VPS13B: variants seen among roughly 807,000 people sequenced by gnomAD.
VPS13B encodes vacuolar protein sorting 13 homolog B, also known as intermembrane lipid transfer protein VPS13B.
Under a neutral mutation model 426.4 loss-of-function variants are expected in VPS13B, and 285 were observed. The observed-to-expected ratio is 0.67, with a 90% CI of 0.61 to 0.74. The LOEUF (loss-of-function observed/expected upper bound fraction) is 0.74. Among genes scored for constraint, VPS13B ranks in the 30% least tolerant of loss-of-function variants. VPS13B has a pLI of 0.00. For missense variants in VPS13B, 4,537 were observed against 4,782.6 expected (o/e 0.95, Z 1.51); for synonymous variants, 1,676 against 1,676.4 (o/e 1.00, Z 0.01).
At chr8:99,490,169 T>C (rs1229947455) in intron 25 of VPS13B, among the ~76,000 whole-genome samples, 1 of 152,240 alleles carries the variant, frequency 6.6e-6, no homozygotes, top group Non-Finnish European at 1.5e-5. Flanking sequence ...CATGTGGTTT[T>C]TGTCGTTGGT....
intron 39 of VPS13B, among the ~76,000 whole-genome samples, chr8:99,753,085 G>T (rs1312527574): frequency 1.3e-5 from 2 of 152,028 alleles, no homozygotes; most frequent in Non-Finnish European, 2.9e-5. Flanking sequence ...CTGTAAAATG[G>T]ATATACTCTT....
intron 17 of VPS13B, among the ~76,000 whole-genome samples, chr8:99,248,054 T>C (rs1417326727): frequency 6.6e-6 from 1 of 152,202 alleles, no homozygotes; most frequent in African/African-American, 2.4e-5. Flanking sequence ...TAAAGTAATA[T>C]AAAACTGCTG....
chr8:99,254,148 G>A (rs2132930627), intron 17 of VPS13B, among the ~76,000 whole-genome samples: 1 of 152,142 alleles, frequency 6.6e-6, no homozygotes, highest in East Asian at 1.9e-4. Context: ...CTTCTCTCCT[G>A]ATATCCCAAA....
chr8:99,835,143 A>G lies in VPS13B; in HGVS notation c.9615-54A>G, dbSNP rs80011373. 3.8e-4 allele frequency: 612 copies of G among 1,611,232 alleles called. 4 individuals carry two copies. In the East Asian group the frequency reaches 0.011, roughly 28 times the overall value. On this transcript the variant is annotated intron_variant, in intron 52 of 61. Transcript: ENST00000357162. ...TAAATAAACATGTTCCAGAGGAGAG[A>G]GCATTCATTTTTTTTCCTAAACATT...
intron 39 of VPS13B, among the ~76,000 whole-genome samples, chr8:99,744,808 C>CG (rs1172569418): frequency 2.3e-5 from 3 of 128,962 alleles, no homozygotes; most frequent in Non-Finnish European, 4.8e-5. Context: ...CATCACACAC[C>CG]GGGGCCTGTT....
At chr8:99,160,190 A>G (rs1171763781) in intron 15 of VPS13B, among the ~76,000 whole-genome samples, 3 of 152,106 alleles carry the variant, frequency 2.0e-5, no homozygotes, top group Non-Finnish European at 4.4e-5. Context: ...AGCTCTTTCA[A>G]TTTTTAAAAA....
intron 40 of VPS13B, among the ~76,000 whole-genome samples, chr8:99,769,037 A>G (rs991872746): frequency 6.6e-6 from 1 of 152,206 alleles, no homozygotes; most frequent in Non-Finnish European, 1.5e-5. Context: ...ACATTTATAA[A>G]AATTACTTTT....
intron 14 of VPS13B, among the ~76,000 whole-genome samples, chr8:99,150,720 T>G (rs1811028997): frequency 6.6e-6 from 1 of 152,340 alleles, no homozygotes; most frequent in Admixed American, 6.5e-5. Flanking sequence ...TGATAGCTGA[T>G]TTCTTCTTTG....
At chr8:99,300,706 A>T (rs372940245) in intron 19 of VPS13B, among the ~76,000 whole-genome samples, 1 of 151,914 alleles carries the variant, frequency 6.6e-6, no homozygotes, top group Non-Finnish European at 1.5e-5. Flanking sequence ...TTCAAGAGAG[A>T]TTGTCTGCAT....
intron 17 of VPS13B, among the ~76,000 whole-genome samples, chr8:99,225,148 C>A (rs1316320184): frequency 2.0e-5 from 3 of 152,202 alleles, no homozygotes; most frequent in African/African-American, 7.2e-5. Flanking sequence ...AGCTACAACC[C>A]ATACACTGAC....
intron 17 of VPS13B, among the ~76,000 whole-genome samples, chr8:99,215,411 T>C (rs1036965078): frequency 6.6e-6 from 1 of 152,232 alleles, no homozygotes; most frequent in African/African-American, 2.4e-5. Context: ...TTCTTATCTG[T>C]GTCTAAAGTC....
At chr8:99,016,207 A>G (rs1177586712) in intron 2 of VPS13B, among the ~76,000 whole-genome samples, 2 of 152,202 alleles carry the variant, frequency 1.3e-5, no homozygotes, top group Admixed American at 6.5e-5. Flanking sequence ...CAGTACATCT[A>G]TCTTGGTAAC....
intron 43 of VPS13B, among the ~76,000 whole-genome samples, chr8:99,800,663 T>C (rs1012283216): frequency 1.3e-5 from 2 of 152,272 alleles, no homozygotes; most frequent in African/African-American, 4.8e-5. Context: ...CATTGTTTTG[T>C]AGAAAATAAT....
chr8:99,792,202 G>GA (rs1812572881), intron 43 of VPS13B, among the ~76,000 whole-genome samples: 1 of 152,072 alleles, frequency 6.6e-6, no homozygotes, highest in African/African-American at 2.4e-5. Flanking sequence ...AGTCATAAGA[G>GA]AATCCAGATT....
chr8:99,638,884 A>G (rs956425907), intron 33 of VPS13B, among the ~76,000 whole-genome samples: 1 of 152,242 alleles, frequency 6.6e-6, no homozygotes, highest in Non-Finnish European at 1.5e-5. Context: ...AAAGATAAAC[A>G]TATCAAACAT....
rs567301951 is a variant in VPS13B, at chr8:99,138,229, C to T, written c.1651+1477C>T. ...GCAACTTCTGCCTCCCTGGTTCAAG[C>T]GATTCTCATGCCTCAGCCTCCTAAG... On this transcript the variant is annotated intron_variant, in intron 12 of 61. Transcript: ENST00000357162. Among the ~76,000 whole-genome samples the T allele has an allele frequency of 1.4e-4, 22 of 152,284 alleles. No homozygotes were observed. The South Asian group carries it at 1.9e-3, about 13-fold the overall frequency.
At chr8:99,296,486 GAA>G (rs1168729964) in intron 19 of VPS13B, among the ~76,000 whole-genome samples, 1 of 152,108 alleles carries the variant, frequency 6.6e-6, no homozygotes, top group Admixed American at 6.6e-5. Flanking sequence ...AACCTGGACT[GAA>G]TGTAAATTTG....
chr8:99,776,930 G>T lies in VPS13B; in HGVS notation c.7403G>T (p.Cys2468Phe). The change falls in exon 41 of 62, where the codon TGT (cysteine) becomes TTT (phenylalanine). Residue 2468 changes from cysteine (C) to phenylalanine (F), a missense_variant. Around this residue, in one of 2 missense-constraint regions of VPS13B, gnomAD observed 4,311 missense variants for 4,474.3 expected, o/e 0.96. Coordinates refer to ENST00000357162, the MANE Select transcript of VPS13B (RefSeq NM_152564.5). Reference sequence around the variant, plus strand: ...TTTGCTCACCTGGAATTCCATCTTTGTCATCACCTTGACCAACTAGGCACA... The same window carrying T: ...TTTGCTCACCTGGAATTCCATCTTTTTCATCACCTTGACCAACTAGGCACA... ...FQFAHLEFHL[C>F]HHLDQLGTAA... The T allele has an allele frequency of 6.2e-7, 1 of 1,613,910 alleles. No individual in the cohort carries two copies. The highest frequency in any genetic ancestry group is 1.1e-5 in the South Asian group (1 of 91,068).
rs569694228 is a variant in VPS13B, at chr8:99,378,161, T to C, written c.2825-6047T>C. Among the ~76,000 whole-genome samples the C allele has an allele frequency of 3.9e-5, 4 of 102,580 alleles. No individual in the cohort carries two copies. The South Asian group carries it at 1.1e-3, about 27-fold the overall frequency. The allele number at this position is 102,580 out of a possible 152,430, so 67.3% of individuals were successfully genotyped here. A position where few individuals can be genotyped will look rare whatever the true frequency, so the allele number is the denominator to read the frequency against. ...CCCCCCCCCCCGGAATGCATTCTTT[T>C]CCCAAGGCTGTTAATTATTAATATT... On this transcript the variant is annotated intron_variant, in intron 19 of 61. Coordinates refer to ENST00000357162, the MANE Select transcript of VPS13B (RefSeq NM_152564.5).
Sources: allele counts gnomAD v4.1 joint callset (sites outside exome capture counted in the v4.1 genomes callset), GRCh38; gene constraint gnomAD v4.1.1; regional missense constraint gnomAD v4.1.1; transcripts MANE v1.5; gene names NCBI Gene and HGNC (gene_info 2026-07-23, HGNC 2026-07-21).